The following ZNF560 variants were observed in gnomAD, a reference collection of about 807,000 sequenced individuals.
The protein encoded by ZNF560 is zinc finger protein 560.
ZNF560 carries 54 observed loss-of-function variants against 81.8 expected under a neutral mutation model. The ratio of observed to expected loss-of-function variants is 0.66; its 90% confidence interval spans 0.53 to 0.83. The LOEUF (loss-of-function observed/expected upper bound fraction) is 0.83. ZNF560 is among the 40% of genes least tolerant of loss of function. The pLI, the probability that ZNF560 is intolerant of heterozygous loss-of-function variation, is 0.00. For synonymous variants in ZNF560, 321 were observed against 317.9 expected, an observed-to-expected ratio of 1.01 and a Z score of -0.10; for missense variants, 940 against 932.4, an observed-to-expected ratio of 1.01 and a Z score of -0.11.
At chr19:9,493,440 C>G (rs2073504017) in intron 2 of ZNF560, among the ~76,000 whole-genome samples, 1 of 152,196 alleles carries the variant, frequency 6.6e-6, no homozygotes, top group African/African-American at 2.4e-5. Flanking sequence ...TCTCAGCTCA[C>G]TGCAACCTCC....
intron 2 of ZNF560, among the ~76,000 whole-genome samples, chr19:9,488,686 G>C (rs766377101): frequency 1.8e-4 from 28 of 151,994 alleles, no homozygotes; most frequent in Non-Finnish European, 4.0e-4. Flanking sequence ...GGATTCTAAG[G>C]GTATTAGATC....
At chr19:9,485,591 G>A (rs1410495792) in intron 2 of ZNF560, among the ~76,000 whole-genome samples, 2 of 150,502 alleles carry the variant, frequency 1.3e-5, no homozygotes, top group Non-Finnish European at 2.9e-5. Context: ...TGTCACCCAG[G>A]CTGGAGTGCA....
At chr19:9,484,198 G>A (rs1212746162) in intron 2 of ZNF560, among the ~76,000 whole-genome samples, 1 of 142,140 alleles carries the variant, frequency 7.0e-6, no homozygotes, top group South Asian at 2.3e-4. Flanking sequence ...AGAGACCTTT[G>A]TTCACTTGCT....
At chr19:9,500,007 T>C (rs2073618860), upstream of ZNF560, among the ~76,000 whole-genome samples, 1 of 152,220 alleles carries the variant, frequency 6.6e-6, no homozygotes, top group African/African-American at 2.4e-5. Flanking sequence ...ATATCAAATA[T>C]CACCTATAAA....
At chr19:9,503,690 A>G in the ZNF560 span, among the ~76,000 whole-genome samples, 1 of 152,116 alleles carries the variant, frequency 6.6e-6, no homozygotes, top group Non-Finnish European at 1.5e-5. Flanking sequence ...ACATGCCACC[A>G]TACCCAGTTA....
chr19:9,506,320 A>G, the ZNF560 span, among the ~76,000 whole-genome samples: 1 of 151,984 alleles, frequency 6.6e-6, no homozygotes. Context: ...CATAAGGATT[A>G]CATTTACCAT....
chr19:9,463,209 C>G (rs950235137), downstream of ZNF560, among the ~76,000 whole-genome samples: 1 of 152,020 alleles, frequency 6.6e-6, no homozygotes, highest in Non-Finnish European at 1.5e-5. Context: ...TAGTAAAATT[C>G]AGTATACAAA....
At chr19:9,448,837 AAG>A in the ZNF560 span, among the ~76,000 whole-genome samples, 1 of 152,200 alleles carries the variant, frequency 6.6e-6, no homozygotes. Flanking sequence ...AAGTGGGAGA[AAG>A]AGCTATCATG....
chr19:9,458,769 C>A, the ZNF560 span, among the ~76,000 whole-genome samples: 1 of 152,214 alleles, frequency 6.6e-6, no homozygotes, highest in Admixed American at 6.5e-5. Context: ...TGGTCTCAGA[C>A]ACAGATACAG....
chr19:9,487,613 G>A (rs1347737513), intron 2 of ZNF560, among the ~76,000 whole-genome samples: 1 of 152,196 alleles, frequency 6.6e-6, no homozygotes, highest in Non-Finnish European at 1.5e-5. Context: ...AAGCATGTAG[G>A]GAGCTAAGAG....
upstream of ZNF560, among the ~76,000 whole-genome samples, chr19:9,500,888 T>C (rs1284560944): frequency 6.6e-6 from 1 of 152,134 alleles, no homozygotes. Context: ...TTTCTTAATT[T>C]TTATCAAGGA....
At chr19:9,494,378 G>T (rs938365883) in intron 2 of ZNF560, among the ~76,000 whole-genome samples, 2 of 152,126 alleles carry the variant, frequency 1.3e-5, no homozygotes, top group African/African-American at 4.8e-5. Context: ...GGAACAAAGG[G>T]CTGCATTCCT....
chr19:9,477,033 G>A (rs10413383), intron 2 of ZNF560, among the ~76,000 whole-genome samples: 7,363 of 151,930 alleles, frequency 0.048, 609 homozygotes, highest in African/African-American at 0.17. Flanking sequence ...ATCAACAAGC[G>A]TTACTTATCA....
rs987083810 is a variant in ZNF560 at position 9,473,515 on chromosome 19, T to A, written c.158-256A>T. 5.7e-4 allele frequency among the ~76,000 whole-genome samples: 86 copies of A among 151,882 alleles called. 1 individual carries two copies. Among genetic ancestry groups the A allele is most frequent in the African/African-American group, 2.0e-3 (82 of 41,376 alleles). ...ATTGCTTGAACCCAGGAGGCAGAGG[T>A]TGCAGTGAGCCGAGATCATGCCACT... On this transcript the variant is annotated intron_variant, in intron 4 of 9. Coordinates refer to ENST00000301480, the MANE Select transcript of ZNF560 (RefSeq NM_152476.3).
chr19:9,470,772 T>G (rs1221886091), intron 6 of ZNF560, among the ~76,000 whole-genome samples: 1 of 152,218 alleles, frequency 6.6e-6, no homozygotes, highest in African/African-American at 2.4e-5. Flanking sequence ...TCATCTCATT[T>G]GATTCCTCTC....
chr19:9,469,211 C>T (rs2073084540), intron 8 of ZNF560, 24 bp from the exon 9 acceptor site: 3 of 1,518,176 alleles, frequency 2.0e-6, no homozygotes, highest in South Asian at 1.2e-5. Context: ...GAAAAATATA[C>T]ATGAGAGTTT....
the ZNF560 span, among the ~76,000 whole-genome samples, chr19:9,446,379 C>CAA: frequency 2.8e-5 from 1 of 35,330 alleles, no homozygotes; most frequent in Admixed American, 2.3e-4. Flanking sequence ...CACACACACA[C>CAA]ACACACACAC....
chr19:9,449,398 CTT>C, the ZNF560 span, among the ~76,000 whole-genome samples: 12 of 152,068 alleles, frequency 7.9e-5, 1 homozygote, highest in Non-Finnish European at 1.3e-4. Flanking sequence ...TTCTGAATGA[CTT>C]TTGGGTAAAC....
chr19:9,456,495 A>G, the ZNF560 span, among the ~76,000 whole-genome samples: 1 of 152,202 alleles, frequency 6.6e-6, no homozygotes, highest in African/African-American at 2.4e-5. Flanking sequence ...TTGGCAGTAC[A>G]AATAAACAAG....
Sources: gnomAD v4.1 joint callset for allele counts (sites outside exome capture counted in the v4.1 genomes callset) on GRCh38, gnomAD v4.1.1 for gene constraint, MANE v1.5 for transcripts, NCBI Gene and HGNC (gene_info 2026-07-23, HGNC 2026-07-21) for gene names.